The following LRPAP1 variants were observed in gnomAD, a reference collection of about 807,000 sequenced individuals.
LRPAP1 encodes the protein alpha-2-macroglobulin receptor-associated protein.
Under a neutral mutation model 39.9 loss-of-function variants are expected in LRPAP1, and 41 were observed. The ratio of observed to expected loss-of-function variants is 1.03; its 90% confidence interval spans 0.80 to 1.33. The LOEUF (loss-of-function observed/expected upper bound fraction) is 1.33, where lower values mean the gene tolerates loss of function less well. Among genes scored for constraint, LRPAP1 ranks in the 40% most tolerant of loss-of-function variants. LRPAP1 has a pLI of 0.00. For missense variants in LRPAP1, 565 were observed against 482.3 expected (o/e 1.17, Z -1.61); for synonymous variants, 263 against 212.7 (o/e 1.24, Z -2.06).
At position 3,529,638 on chromosome 4, in the gene LRPAP1, G is replaced by C. The variant is rs1412086152; in HGVS notation, c.204+2571C>G. ...CGCCTGTGAAAGAGGAACTGGGAGAGTCACAGAAAGTCAAGATTCAAGTTG... is the reference window on the plus strand; with the variant it reads ...CGCCTGTGAAAGAGGAACTGGGAGACTCACAGAAAGTCAAGATTCAAGTTG... On this transcript the variant is annotated intron_variant, in intron 1 of 7. Transcript: ENST00000650182. Among the ~76,000 whole-genome samples, 6 of 152,184 alleles carry C rather than the reference G, an allele frequency of 3.9e-5. No individual in the cohort carries two copies. The East Asian group carries it at 1.2e-3, about 29-fold the overall frequency.
intron 2 of LRPAP1, among the ~76,000 whole-genome samples, chr4:3,523,894 T>C (rs1729998565): frequency 6.6e-6 from 1 of 151,480 alleles, no homozygotes; most frequent in Admixed American, 6.6e-5. Context: ...CACACCACCG[T>C]CCTGTGAGAC....
intron 1 of LRPAP1, among the ~76,000 whole-genome samples, chr4:3,530,312 G>A (rs1485262374): frequency 6.6e-6 from 1 of 152,126 alleles, no homozygotes; most frequent in Non-Finnish European, 1.5e-5. Context: ...TCACAGCACC[G>A]CCACCCTCCA....
At chr4:3,528,537 C>A (rs1305919408) in intron 1 of LRPAP1, among the ~76,000 whole-genome samples, 2 of 152,224 alleles carry the variant, frequency 1.3e-5, no homozygotes, top group Non-Finnish European at 2.9e-5. Context: ...CCGCACAGTT[C>A]AGGCTGGGCA....
At chr4:3,527,076 C>A (rs1477136795) in intron 1 of LRPAP1, among the ~76,000 whole-genome samples, 1 of 152,080 alleles carries the variant, frequency 6.6e-6, no homozygotes, top group African/African-American at 2.4e-5. Context: ...GGTCCCAGGA[C>A]AGTCTTTTGT....
chr4:3,510,926 C>T lies in LRPAP1; in HGVS notation c.*2048G>A, dbSNP rs1729486910. 1 of 152,244 alleles carries T rather than the reference C, an allele frequency of 6.6e-6. No homozygotes were observed. The highest frequency in any genetic ancestry group is 1.5e-5 in the Non-Finnish European group (1 of 68,054). 9.4% of individuals were successfully genotyped at this position (152,244 alleles called of 1,614,324 possible). A position where few individuals can be genotyped will look rare whatever the true frequency, so the allele number is the denominator to read the frequency against. Reference sequence around the variant, plus strand: ...CATCCTTCGTGAGTGCGCACCATGACCAGCCACACCCATGGAACTAACACT... The same window carrying T: ...CATCCTTCGTGAGTGCGCACCATGATCAGCCACACCCATGGAACTAACACT... On this transcript the variant is annotated 3_prime_UTR_variant, in exon 8 of 8. Coordinates refer to ENST00000650182, the MANE Select transcript of LRPAP1 (RefSeq NM_002337.4).
At position 3,510,047 on chromosome 4, in the gene LRPAP1, A is replaced by C. The variant is rs1577200329; in HGVS notation, c.*2927T>G. ...ATATATGGAAACACCAAGGACATAAACAGCCACAAGAATCTTTAAAAAGAA... is the reference window on the plus strand; with the variant it reads ...ATATATGGAAACACCAAGGACATAACCAGCCACAAGAATCTTTAAAAAGAA... On this transcript the variant is annotated 3_prime_UTR_variant, in exon 8 of 8. Coordinates refer to ENST00000650182, the MANE Select transcript of LRPAP1 (RefSeq NM_002337.4). 1 of 152,366 alleles carries C rather than the reference A, an allele frequency of 6.6e-6. No homozygotes were observed. The allele number at this position is 152,366 out of a possible 1,614,324, so 9.4% of individuals were successfully genotyped here. A position where few individuals can be genotyped will look rare whatever the true frequency, so the allele number is the denominator to read the frequency against.
chr4:3,532,044 G>A lies in LRPAP1; in HGVS notation c.204+165C>T, dbSNP rs549892589. The A allele has an allele frequency of 8.1e-5, 61 of 757,368 alleles. No individual in the cohort carries two copies. The African/African-American group carries it at 1.1e-3, about 14-fold the overall frequency. 46.9% of individuals were successfully genotyped at this position (757,368 alleles called of 1,614,324 possible). On this transcript the variant is annotated intron_variant, in intron 1 of 7. Coordinates refer to ENST00000650182, the MANE Select transcript of LRPAP1 (RefSeq NM_002337.4). ...TTCCTGCTGCAGAAGGGGTCGGGGC[G>A]CCCCACCTGACACTTGGGGGAGGCT...
intron 4 of LRPAP1, 119 bp from the exon 5 acceptor site, chr4:3,518,311 A>G (rs1729790983): frequency 8.9e-7 from 1 of 1,120,558 alleles, no homozygotes; most frequent in Non-Finnish European, 1.2e-6. Context: ...TGGGCTGAAA[A>G]TGTCCCCCTT....
chr4:3,530,415 C>A (rs942289459), intron 1 of LRPAP1, among the ~76,000 whole-genome samples: 3 of 152,228 alleles, frequency 2.0e-5, no homozygotes, highest in Non-Finnish European at 4.4e-5. Flanking sequence ...GGAAGACACA[C>A]AAAATCCCCC....
chr4:3,531,251 G>A (rs774542509), intron 1 of LRPAP1, among the ~76,000 whole-genome samples: 9 of 152,086 alleles, frequency 5.9e-5, no homozygotes, highest in Non-Finnish European at 1.5e-5. Context: ...TCCCCACGCA[G>A]TCTTATAACC....
In LRPAP1 at chr4:3,504,730, A is replaced by AC. The variant is rs1401918911; in HGVS notation, c.*8243_*8244insG. ...GCGCCATTGCACTGCAGCCTGAGCAATTGAGATTCCATCTCAAAAAAAAAA... is the reference window on the plus strand; with the variant it reads ...GCGCCATTGCACTGCAGCCTGAGCAACTTGAGATTCCATCTCAAAAAAAAAA... On this transcript the variant is annotated 3_prime_UTR_variant, in exon 8 of 8. Transcript: ENST00000650182. 1.6e-5 allele frequency among the ~76,000 whole-genome samples: 1 copy of AC among 63,894 alleles called. No homozygotes were observed. Among genetic ancestry groups the AC allele is most frequent in the African/African-American group, 4.7e-5 (1 of 21,206 alleles). 41.9% of individuals were successfully genotyped at this position (63,894 alleles called of 152,430 possible).
rs1323579240 is a variant in LRPAP1, at chr4:3,512,106, C to T, written c.*868G>A. 1 of 148,294 alleles carries T rather than the reference C, an allele frequency of 6.7e-6. No individual in the cohort carries two copies. The highest frequency in any genetic ancestry group is 1.5e-5 in the Non-Finnish European group (1 of 66,830). 9.2% of individuals were successfully genotyped at this position (148,294 alleles called of 1,614,324 possible). A position where few individuals can be genotyped will look rare whatever the true frequency, so the allele number is the denominator to read the frequency against. ...CTCAGACACGGGAAGGGAACCACGC[C>T]TGGAGCCAGACCCGAGCCTCTTCCA... On this transcript the variant is annotated 3_prime_UTR_variant, in exon 8 of 8. Transcript: ENST00000650182.
intron 5 of LRPAP1, among the ~76,000 whole-genome samples, chr4:3,517,465 A>C (rs1454346576): frequency 6.6e-6 from 1 of 152,218 alleles, no homozygotes; most frequent in Non-Finnish European, 1.5e-5. Flanking sequence ...CAGAATCGGA[A>C]GCTGCGTGAG....
chr4:3,518,849 A>AGGGGGTGGGGGCGGGGGGCACCT, intron 4 of LRPAP1, 22 bp downstream of exon 4: 1 of 872,140 alleles, frequency 1.1e-6, no homozygotes, highest in South Asian at 2.2e-5. Context: ...AGAGGGCAGG[A>AGGGGGTGGGGGCGGGGGGCACCT]GGGGGTGGGG....
chr4:3,520,550 T>C (rs1729881198), intron 2 of LRPAP1, among the ~76,000 whole-genome samples: 1 of 152,206 alleles, frequency 6.6e-6, no homozygotes. Context: ...GGTTACCGAT[T>C]GGCCCGTCTT....
chr4:3,527,531 G>A (rs1730115121), intron 1 of LRPAP1, among the ~76,000 whole-genome samples: 1 of 152,238 alleles, frequency 6.6e-6, no homozygotes, highest in African/African-American at 2.4e-5. Context: ...CTACCCTGTA[G>A]GCGCCTTACT....
rs912929219 is a variant in LRPAP1 at position 3,506,761 on chromosome 4, C to T, written c.*6213G>A. 1 of 152,170 alleles carries T rather than the reference C, an allele frequency of 6.6e-6. No homozygotes were observed. The highest frequency in any genetic ancestry group is 1.5e-5 in the Non-Finnish European group (1 of 68,024). 9.4% of individuals were successfully genotyped at this position (152,170 alleles called of 1,614,324 possible). A position where few individuals can be genotyped will look rare whatever the true frequency, so the allele number is the denominator to read the frequency against. On this transcript the variant is annotated 3_prime_UTR_variant, in exon 8 of 8. Coordinates refer to ENST00000650182, the MANE Select transcript of LRPAP1 (RefSeq NM_002337.4). ...ATTTGATGAGAAAATAGAAAGACCACTAGAACGGAAAAATAAAAAATAAAA... is the reference window on the plus strand; with the variant it reads ...ATTTGATGAGAAAATAGAAAGACCATTAGAACGGAAAAATAAAAAATAAAA...
At chr4:3,517,861 G>T in intron 5 of LRPAP1, 173 bp downstream of exon 5, 1 of 685,390 alleles carries the variant, frequency 1.5e-6, no homozygotes, top group South Asian at 2.5e-5. Context: ...TCACGGAGCA[G>T]CTCCTGGGAG....
rs1741546 is a variant in LRPAP1 at position 3,522,614 on chromosome 4, C to G, written c.349+2293G>C. ...GTCGGACGCCGCCCCACACCCCCTG[C>G]CTGGGGAGGACAGACGCCGCCCCAC... is the stretch of plus-strand genomic sequence containing the variant. On this transcript the variant is annotated intron_variant, in intron 2 of 7. Transcript: ENST00000650182. Among the ~76,000 whole-genome samples, 57 of 120,226 alleles carry G rather than the reference C, an allele frequency of 4.7e-4. 8 individuals are homozygous for G. The highest frequency in any genetic ancestry group is 1.6e-3 in the East Asian group (5 of 3,126). The allele number at this position is 120,226 out of a possible 152,430, so 78.9% of individuals were successfully genotyped here. A position where few individuals can be genotyped will look rare whatever the true frequency, so the allele number is the denominator to read the frequency against.
Sources: allele counts gnomAD v4.1 joint callset (sites outside exome capture counted in the v4.1 genomes callset), GRCh38; gene constraint gnomAD v4.1.1; transcripts MANE v1.5; gene names NCBI Gene and HGNC (gene_info 2026-07-23, HGNC 2026-07-21).